The following NOS1AP variants were observed in gnomAD, a reference collection of about 807,000 sequenced individuals.
The protein encoded by NOS1AP is carboxyl-terminal PDZ ligand of neuronal nitric oxide synthase protein.
NOS1AP carries 21 observed loss-of-function variants against 56.2 expected under a neutral mutation model. The observed-to-expected ratio is 0.37, with a 90% confidence interval of 0.26 to 0.54. NOS1AP has a LOEUF of 0.54. NOS1AP is among the 20% of genes least tolerant of loss of function. The pLI is 0.84. For synonymous variants in NOS1AP, 270 were observed against 274.6 expected, an observed-to-expected ratio of 0.98 and a Z score of 0.17; for missense variants, 522 against 657.8, an observed-to-expected ratio of 0.79 and a Z score of 2.26.
chr1:162,239,083 A>G (rs1051211348), intron 2 of NOS1AP, among the ~76,000 whole-genome samples: 2 of 152,272 alleles, frequency 1.3e-5, no homozygotes, highest in Non-Finnish European at 2.9e-5. Flanking sequence ...TAAGGTATGC[A>G]CATACTGTTT....
At chr1:162,271,751 A>C (rs1347466168) in intron 2 of NOS1AP, among the ~76,000 whole-genome samples, 1 of 149,044 alleles carries the variant, frequency 6.7e-6, no homozygotes, top group Non-Finnish European at 1.5e-5. Flanking sequence ...GGGTGGATTA[A>C]ACAACAGACA....
chr1:162,366,248 TG>T (rs1658081469), intron 9 of NOS1AP, among the ~76,000 whole-genome samples: 1 of 152,174 alleles, frequency 6.6e-6, no homozygotes, highest in Non-Finnish European at 1.5e-5. Flanking sequence ...GTGTGTGGGC[TG>T]TGGACCAGCA....
At chr1:162,154,852 C>G (rs1649869452) in intron 2 of NOS1AP, among the ~76,000 whole-genome samples, 1 of 152,040 alleles carries the variant, frequency 6.6e-6, no homozygotes, top group South Asian at 2.1e-4. Context: ...TGGGGTTTCA[C>G]CGTGTTGCCC....
chr1:162,292,204 G>T (rs1433841753), intron 3 of NOS1AP, among the ~76,000 whole-genome samples: 1 of 152,168 alleles, frequency 6.6e-6, no homozygotes, highest in Non-Finnish European at 1.5e-5. Flanking sequence ...GCACACATAG[G>T]TCTATTACAG....
At chr1:162,334,760 A>G (rs533261257) in intron 5 of NOS1AP, among the ~76,000 whole-genome samples, 3 of 152,340 alleles carry the variant, frequency 2.0e-5, no homozygotes, top group South Asian at 4.1e-4. Flanking sequence ...ATCTTATTTT[A>G]TCCTTATAAC....
chr1:162,349,174 C>T (rs773241281), intron 6 of NOS1AP, among the ~76,000 whole-genome samples: 2 of 149,886 alleles, frequency 1.3e-5, no homozygotes, highest in African/African-American at 2.5e-5. Context: ...GCAACAAGAG[C>T]GAAACTCCAA....
chr1:162,208,735 C>A (rs954572626), intron 2 of NOS1AP, among the ~76,000 whole-genome samples: 1 of 152,204 alleles, frequency 6.6e-6, no homozygotes, highest in African/African-American at 2.4e-5. Flanking sequence ...ACTGCCTGTA[C>A]CCTGCCTTCT....
intron 4 of NOS1AP, among the ~76,000 whole-genome samples, chr1:162,301,877 G>A (rs946354398): frequency 2.6e-5 from 4 of 152,216 alleles, no homozygotes; most frequent in African/African-American, 9.7e-5. Flanking sequence ...CAGCATGGTG[G>A]CCCTGCCTTT....
At chr1:162,365,293 T>G in intron 8 of NOS1AP, 111 bp from the exon 9 acceptor site, 1 of 1,576,346 alleles carries the variant, frequency 6.3e-7, no homozygotes. Flanking sequence ...CTTCTTGAAC[T>G]GAATGTGGAG....
Position 162,072,367 on chromosome 1 carries a change from T to G in NOS1AP, c.105+2085T>G, listed in dbSNP as rs558719497. ...GGCTTGAGGGTTGCCTCCAATTTGC[T>G]GGATCTTACTCTCCCTTTCCCAAAT... On this transcript the variant is annotated intron_variant, in intron 1 of 9. Transcript: ENST00000361897. 3.9e-5 allele frequency among the ~76,000 whole-genome samples: 6 copies of G among 152,348 alleles called. No individual in the cohort carries two copies. In the East Asian group the frequency reaches 1.2e-3, roughly 29 times the overall value.
intron 4 of NOS1AP, among the ~76,000 whole-genome samples, chr1:162,309,750 A>G (rs1157570307): frequency 1.3e-5 from 2 of 152,234 alleles, no homozygotes; most frequent in African/African-American, 4.8e-5. Flanking sequence ...TTACAACTTA[A>G]TAGTGAGATC....
At chr1:162,322,040 G>T (rs190297382) in intron 4 of NOS1AP, among the ~76,000 whole-genome samples, 1 of 152,050 alleles carries the variant, frequency 6.6e-6, no homozygotes, top group Non-Finnish European at 1.5e-5. Flanking sequence ...ACCTACAAAT[G>T]TAACCCCCTG....
intron 2 of NOS1AP, among the ~76,000 whole-genome samples, chr1:162,270,900 T>G (rs987806533): frequency 1.3e-5 from 2 of 152,184 alleles, no homozygotes; most frequent in Admixed American, 6.6e-5. Flanking sequence ...AGAGTGGCCT[T>G]TGAGGCTCGT....
At chr1:162,206,015 C>T (rs991897115) in intron 2 of NOS1AP, among the ~76,000 whole-genome samples, 1 of 152,052 alleles carries the variant, frequency 6.6e-6, no homozygotes, top group African/African-American at 2.4e-5. Flanking sequence ...CAAATGAAGA[C>T]CATTTTGTGA....
intron 8 of NOS1AP, among the ~76,000 whole-genome samples, chr1:162,362,475 GAAAGAAAAGA>G (rs61085847): frequency 6.7e-6 from 1 of 148,672 alleles, no homozygotes; most frequent in South Asian, 2.1e-4. Context: ...AAAAAAGAAA[GAAAGAAAAGA>G]AAAGAAAAGA....
At chr1:162,265,343 G>A (rs894601768) in intron 2 of NOS1AP, among the ~76,000 whole-genome samples, 6 of 150,314 alleles carry the variant, frequency 4.0e-5, no homozygotes, top group African/African-American at 1.5e-4. Context: ...TCATCATTTA[G>A]CATTAGGTAT....
intron 1 of NOS1AP, among the ~76,000 whole-genome samples, chr1:162,138,414 A>G (rs574803090): frequency 6.6e-6 from 1 of 152,320 alleles, no homozygotes; most frequent in East Asian, 1.9e-4. Context: ...TAGAATTTGT[A>G]TAAAAATACA....
intron 2 of NOS1AP, among the ~76,000 whole-genome samples, chr1:162,258,072 G>A (rs1340064884): frequency 6.6e-6 from 1 of 151,944 alleles, no homozygotes; most frequent in African/African-American, 2.4e-5. Context: ...AAATGTACAG[G>A]CCTGTTTGCT....
At chr1:162,364,297 C>G in intron 8 of NOS1AP, 1 of 985,466 alleles carries the variant, frequency 1.0e-6, no homozygotes, top group Non-Finnish European at 1.2e-6. Flanking sequence ...CACCCTTTTC[C>G]CCATAAGCTA....
Sources: allele counts gnomAD v4.1 joint callset (sites outside exome capture counted in the v4.1 genomes callset), GRCh38; gene constraint gnomAD v4.1.1; transcripts MANE v1.5; gene names NCBI Gene and HGNC (gene_info 2026-07-23, HGNC 2026-07-21).